Variants in MAD1L1 observed in about 807,000 individuals in gnomAD.
The protein encoded by MAD1L1 is mitotic spindle assembly checkpoint protein MAD1.
In MAD1L1, 95 loss-of-function variants were observed where a neutral mutation model predicts 96.9. The observed-to-expected ratio is 0.98, with a 90% confidence interval of 0.83 to 1.16. The LOEUF (loss-of-function observed/expected upper bound fraction) is 1.16. MAD1L1 is among the 50% of genes most tolerant of loss of function. The pLI, the probability that MAD1L1 is intolerant of heterozygous loss-of-function variation, is 0.00. For synonymous variants in MAD1L1, 473 were observed against 396.6 expected (o/e 1.19, Z -2.29); for missense variants, 1,007 against 954.4 (o/e 1.06, Z -0.73).
chr7:1,876,078 G>C (rs924687423), intron 18 of MAD1L1, among the ~76,000 whole-genome samples: 2 of 152,214 alleles, frequency 1.3e-5, no homozygotes, highest in Non-Finnish European at 2.9e-5. Flanking sequence ...CCCCCGCCGT[G>C]GGGCTCTGTG....
chr7:1,913,941 G>A (rs1035783211), intron 17 of MAD1L1, among the ~76,000 whole-genome samples: 2 of 152,176 alleles, frequency 1.3e-5, no homozygotes, highest in Admixed American at 1.3e-4. Flanking sequence ...CCACGCTGGA[G>A]GGAACGCCCC....
chr7:2,217,537 G>A (rs1256785077), intron 7 of MAD1L1, among the ~76,000 whole-genome samples: 1 of 152,176 alleles, frequency 6.6e-6, no homozygotes, highest in Non-Finnish European at 1.5e-5. Flanking sequence ...GGCAGGAGAG[G>A]GATCTGGAGT....
chr7:2,207,113 T>G (rs1462113982), intron 10 of MAD1L1, among the ~76,000 whole-genome samples: 2 of 151,616 alleles, frequency 1.3e-5, no homozygotes, highest in Admixed American at 1.3e-4. Context: ...TAGAGATCAG[T>G]TCATCAATTT....
chr7:2,125,376 C>A (rs1788184104), intron 11 of MAD1L1, among the ~76,000 whole-genome samples: 1 of 152,206 alleles, frequency 6.6e-6, no homozygotes, highest in Non-Finnish European at 1.5e-5. Context: ...CCCACGCATC[C>A]TTCCTCCTCA....
chr7:2,149,192 C>T lies in MAD1L1; in HGVS notation c.1033G>A (p.Glu345Lys), dbSNP rs763084203. The T allele has an allele frequency of 1.2e-5, 20 of 1,614,114 alleles. No individual in the cohort carries two copies. The highest frequency in any genetic ancestry group is 1.6e-5 in the Non-Finnish European group (19 of 1,180,036). The change falls in exon 11 of 19, where the codon GAG (glutamate) becomes AAG (lysine). Residue 345 changes from glutamate (E) to lysine (K), a missense_variant. Coordinates refer to ENST00000265854, the MANE Select transcript of MAD1L1 (RefSeq NM_001013836.2). The stretch of plus-strand genomic sequence containing the variant: ...CTGTTCTTGTCCTTCAAGGCAAGCT[C>T]CCTCTGCTGCAGCTCAACCACGAAT... ...SRFVVELQQR[E>K]LALKDKNSAV...
At chr7:2,230,341 A>G (rs1428670756) in intron 2 of MAD1L1, 198 bp from the exon 3 acceptor site, 2 of 510,200 alleles carry the variant, frequency 3.9e-6, no homozygotes, top group African/African-American at 1.9e-5. Flanking sequence ...GGAAGCAAGG[A>G]AGCATGCCAC....
intron 11 of MAD1L1, among the ~76,000 whole-genome samples, chr7:2,115,163 C>T (rs550230907): frequency 9.2e-5 from 14 of 152,372 alleles, no homozygotes; most frequent in African/African-American, 3.1e-4. Flanking sequence ...CATGAGGCCA[C>T]GTTCACACCA....
At chr7:1,927,270 G>A (rs1191113295) in intron 17 of MAD1L1, among the ~76,000 whole-genome samples, 3 of 152,218 alleles carry the variant, frequency 2.0e-5, no homozygotes, top group Non-Finnish European at 4.4e-5. Flanking sequence ...TTGTGTTCAT[G>A]TATCGGAAGA....
chr7:2,147,253 C>G (rs941578087), intron 11 of MAD1L1, among the ~76,000 whole-genome samples: 2 of 152,172 alleles, frequency 1.3e-5, no homozygotes, highest in African/African-American at 2.4e-5. Context: ...AGCCGCCCCC[C>G]AGGACCTGCA....
intron 11 of MAD1L1, among the ~76,000 whole-genome samples, chr7:2,083,896 C>CAGTG (rs1785779241): frequency 1.3e-5 from 2 of 152,216 alleles, no homozygotes; most frequent in African/African-American, 4.8e-5. Flanking sequence ...AGGATGCTCC[C>CAGTG]AGTGATTCCA....
chr7:2,224,894 C>T (rs1793802280), intron 4 of MAD1L1, among the ~76,000 whole-genome samples: 1 of 152,192 alleles, frequency 6.6e-6, no homozygotes, highest in South Asian at 2.1e-4. Context: ...CCCCAAGACC[C>T]AGCATGGACC....
Position 1,873,381 on chromosome 7 carries a change from G to A in MAD1L1, c.1998+24819C>T, listed in dbSNP as rs535372533. Among the ~76,000 whole-genome samples, 4 of 152,186 alleles carry A rather than the reference G, an allele frequency of 2.6e-5. No homozygotes were observed. The South Asian group carries it at 8.3e-4, about 32-fold the overall frequency. On this transcript the variant is annotated intron_variant, in intron 18 of 18. Transcript: ENST00000265854. ...GGGTGGGAGCAGGGGCAGGGCTCTG[G>A]GAGGAGGTTGGGGAGGCCTCAAGGA...
intron 12 of MAD1L1, among the ~76,000 whole-genome samples, chr7:2,067,945 C>T (rs975860643): frequency 6.6e-6 from 1 of 150,962 alleles, no homozygotes; most frequent in Admixed American, 6.5e-5. Context: ...ATCCACGCCA[C>T]GTGCACCTCA....
intron 15 of MAD1L1, among the ~76,000 whole-genome samples, chr7:1,979,484 A>G (rs1780794726): frequency 3.3e-5 from 5 of 152,218 alleles, no homozygotes; most frequent in Admixed American, 2.6e-4. Context: ...GCCACTTTCA[A>G]TCCGCACTGG....
chr7:2,138,917 C>G (rs912948135), intron 11 of MAD1L1, among the ~76,000 whole-genome samples: 1 of 152,210 alleles, frequency 6.6e-6, no homozygotes, highest in Non-Finnish European at 1.5e-5. Context: ...CTCCACTCAT[C>G]TTGCAAAGCA....
At chr7:2,104,215 T>C (rs959674427) in intron 11 of MAD1L1, among the ~76,000 whole-genome samples, 1 of 152,086 alleles carries the variant, frequency 6.6e-6, no homozygotes, top group African/African-American at 2.4e-5. Flanking sequence ...GGCAAACTCC[T>C]CCACAGAGGC....
intron 17 of MAD1L1, among the ~76,000 whole-genome samples, chr7:1,936,164 C>T (rs1224925592): frequency 6.6e-6 from 1 of 152,222 alleles, no homozygotes; most frequent in Non-Finnish European, 1.5e-5. Context: ...CCCAGCACCA[C>T]CTCCCCACAT....
chr7:2,225,687 A>G, intron 3 of MAD1L1, 137 bp from the exon 4 acceptor site: 1 of 925,568 alleles, frequency 1.1e-6, no homozygotes, highest in Non-Finnish European at 1.6e-6. Context: ...TGGCCCAGCC[A>G]CTGGGCTCCA....
intron 10 of MAD1L1, among the ~76,000 whole-genome samples, chr7:2,168,309 T>C (rs1790539301): frequency 6.6e-6 from 1 of 151,926 alleles, no homozygotes; most frequent in Admixed American, 6.6e-5. Context: ...GAACAGTGAA[T>C]TGAAAATCAA....
Sources: allele counts gnomAD v4.1 joint callset (sites outside exome capture counted in the v4.1 genomes callset), GRCh38; gene constraint gnomAD v4.1.1; transcripts MANE v1.5; gene names NCBI Gene and HGNC (gene_info 2026-07-23, HGNC 2026-07-21).